The following BPIFC variants were observed in gnomAD, a reference collection of about 807,000 sequenced individuals.
The protein encoded by BPIFC is BPI fold-containing family C protein.
In BPIFC, 60 loss-of-function variants were observed where a neutral mutation model predicts 57.6. The observed-to-expected ratio is 1.04, with a 90% CI of 0.85 to 1.29. The LOEUF is 1.29. Ranked by LOEUF, BPIFC falls within the 50% of genes most tolerant of loss-of-function variation. The pLI is 0.00. For synonymous variants in BPIFC, 243 were observed against 224.5 expected (o/e 1.08, Z -0.74); for missense variants, 581 against 600.5 (o/e 0.97, Z 0.34).
At chr22:32,451,516 G>A (rs1006492827) in intron 4 of BPIFC, among the ~76,000 whole-genome samples, 2 of 152,112 alleles carry the variant, frequency 1.3e-5, no homozygotes, top group African/African-American at 2.4e-5. Context: ...ACACAGGAAG[G>A]GGAATATCAC....
At chr22:32,455,018 T>TG (rs1191188548) in intron 3 of BPIFC, among the ~76,000 whole-genome samples, 1 of 151,394 alleles carries the variant, frequency 6.6e-6, no homozygotes, top group African/African-American at 2.4e-5. Context: ...AACAATCCTA[T>TG]GGGTAGGTAC....
At chr22:32,432,345 G>A in intron 12 of BPIFC, 28 bp downstream of exon 12, 1 of 1,611,772 alleles carries the variant, frequency 6.2e-7, no homozygotes, top group Non-Finnish European at 8.5e-7. Flanking sequence ...GGCATCTACA[G>A]GCTGCTCCAC....
intron 4 of BPIFC, among the ~76,000 whole-genome samples, chr22:32,448,769 G>A (rs943815897): frequency 1.3e-5 from 2 of 151,820 alleles, no homozygotes; most frequent in African/African-American, 4.8e-5. Flanking sequence ...GAAACCCCGT[G>A]TCTACTAAAA....
intron 7 of BPIFC, among the ~76,000 whole-genome samples, chr22:32,443,320 T>C (rs1319396403): frequency 6.6e-6 from 1 of 152,154 alleles, no homozygotes; most frequent in Non-Finnish European, 1.5e-5. Flanking sequence ...CTCGCCACTA[T>C]GCCCGGCTAA....
intron 16 of BPIFC, among the ~76,000 whole-genome samples, chr22:32,415,004 G>C (rs1933628879): frequency 6.6e-6 from 1 of 152,196 alleles, no homozygotes; most frequent in South Asian, 2.1e-4. Context: ...AGCCTTTTTG[G>C]CATTAGCGAC....
At chr22:32,418,050 C>G (rs1601440436) in intron 14 of BPIFC, among the ~76,000 whole-genome samples, 1 of 152,220 alleles carries the variant, frequency 6.6e-6, no homozygotes, top group Admixed American at 6.5e-5. Context: ...ATGACAATAA[C>G]TGAAATAATT....
At chr22:32,427,563 T>G (rs1467160493) in intron 13 of BPIFC, among the ~76,000 whole-genome samples, 6 of 152,176 alleles carry the variant, frequency 3.9e-5, no homozygotes, top group African/African-American at 1.4e-4. Context: ...CCCAACAGAC[T>G]GAGCATCACG....
At chr22:32,422,480 G>A (rs1933875562) in intron 13 of BPIFC, among the ~76,000 whole-genome samples, 1 of 152,112 alleles carries the variant, frequency 6.6e-6, no homozygotes, top group East Asian at 1.9e-4. Context: ...GCTGAGACGG[G>A]TGGATCACCT....
intron 1 of BPIFC, among the ~76,000 whole-genome samples, chr22:32,462,187 A>G (rs868364003): frequency 0.018 from 2,645 of 144,800 alleles, 68 homozygotes; most frequent in African/African-American, 0.068. Flanking sequence ...AAAAAAAAAA[A>G]AAAGAAAAAA....
chr22:32,448,911 C>T (rs1193754983), intron 4 of BPIFC, among the ~76,000 whole-genome samples: 4 of 150,904 alleles, frequency 2.7e-5, no homozygotes, highest in South Asian at 2.1e-4. Flanking sequence ...CACACCAGCC[C>T]GGGTGACAGT....
At chr22:32,431,241 G>C (rs761035907) in intron 13 of BPIFC, 106 bp downstream of exon 13, 1 of 969,192 alleles carries the variant, frequency 1.0e-6, no homozygotes, top group Non-Finnish European at 1.5e-6. Context: ...AGCCTCCTGA[G>C]TAGCTGAGAT....
At chr22:32,447,729 C>T (rs1356829735) in intron 4 of BPIFC, among the ~76,000 whole-genome samples, 3 of 151,234 alleles carry the variant, frequency 2.0e-5, no homozygotes, top group Non-Finnish European at 2.9e-5. Context: ...CCTCAGCTTT[C>T]CAAACAGCTG....
At chr22:32,455,842 C>T (rs147879133) in intron 3 of BPIFC, among the ~76,000 whole-genome samples, 160 of 152,300 alleles carry the variant, frequency 1.1e-3, no homozygotes, top group Non-Finnish European at 1.7e-3. Flanking sequence ...TCAAAGAGGC[C>T]GGCCATGGTA....
At chr22:32,461,427 A>G (rs764279048) in intron 2 of BPIFC, 147 bp downstream of exon 2, 2 of 245,470 alleles carry the variant, frequency 8.1e-6, no homozygotes, top group Non-Finnish European at 1.3e-5. Context: ...GGATTTGGGT[A>G]GGAGAGGAGG....
chr22:32,417,591 A>G (rs1194129850), intron 14 of BPIFC, among the ~76,000 whole-genome samples: 2 of 152,178 alleles, frequency 1.3e-5, no homozygotes, highest in African/African-American at 2.4e-5. Context: ...GTAGAAAATC[A>G]TATTACAGGG....
rs1249649321 is a variant in BPIFC at position 32,464,437 on chromosome 22, T to G, written c.-152A>C. 1.0e-6 allele frequency: 1 copy of G among 985,256 alleles called. No individual in the cohort carries two copies. The highest frequency in any genetic ancestry group is 1.2e-6 in the Non-Finnish European group (1 of 829,926). 61.0% of individuals were successfully genotyped at this position (985,256 alleles called of 1,614,324 possible). On this transcript the variant is annotated 5_prime_UTR_variant, in exon 1 of 17. Coordinates refer to ENST00000300399, the MANE Select transcript of BPIFC (RefSeq NM_174932.3). ...CGATTCTCTCTGCCTTTGAAGCTGA[T>G]GTGTTCTCCACCTTGCGCCTTAAAC...
intron 13 of BPIFC, among the ~76,000 whole-genome samples, chr22:32,422,394 A>G (rs1933872894): frequency 1.3e-5 from 2 of 152,082 alleles, no homozygotes; most frequent in Admixed American, 1.3e-4. Context: ...CACCATACAG[A>G]CTTGCTGCAG....
chr22:32,431,315 G>A (rs891798213), intron 13 of BPIFC, 32 bp downstream of exon 13: 3 of 1,565,196 alleles, frequency 1.9e-6, no homozygotes, highest in South Asian at 1.1e-5. Flanking sequence ...TTATTACTAA[G>A]GTGCCCCAAC....
rs771693331 is a variant in BPIFC, at chr22:32,442,730, A to T, written c.596T>A (p.Leu199His). 1 of 1,613,742 alleles carries T rather than the reference A, an allele frequency of 6.2e-7. No homozygotes were observed. The highest frequency in any genetic ancestry group is 8.5e-7 in the Non-Finnish European group (1 of 1,179,840). ...GACTTCACTTGCAATAATGGGACAG[A>T]GCTGGCCACAAAGGAATAAAAAGAA... ...KPILKNLNEM[L>H]CPIIASEVKA... Residue 199 changes from leucine to histidine, a missense_variant and splice_region_variant, in exon 8 of 17, where the codon CTC (leucine) becomes CAC (histidine). Physicochemically the swap from Leu to His is moderately conservative, Grantham distance 99. Transcript: ENST00000300399.
Sources: gnomAD v4.1 joint callset for allele counts (sites outside exome capture counted in the v4.1 genomes callset) on GRCh38, gnomAD v4.1.1 for gene constraint, MANE v1.5 for transcripts, NCBI Gene and HGNC (gene_info 2026-07-23, HGNC 2026-07-21) for gene names.